SAG: variants seen among roughly 807,000 people sequenced by gnomAD.
SAG encodes S-antigen visual arrestin.
In SAG, 45 loss-of-function variants were observed where a neutral mutation model predicts 55.0. The observed-to-expected ratio is 0.82, with a 90% CI of 0.64 to 1.05. The LOEUF is 1.05. Among genes scored for constraint, SAG ranks in the 50% least tolerant of loss-of-function variants. The probability of loss-of-function intolerance (pLI) is 0.00; values close to 1 mark genes in which losing one functional copy is unlikely to be tolerated. For missense variants in SAG, 455 were observed against 512.1 expected, an observed-to-expected ratio of 0.89 and a Z score of 1.08; for synonymous variants, 189 against 197.4, an observed-to-expected ratio of 0.96 and a Z score of 0.36.
intron 14 of SAG, chr2:233,343,103 T>TA (rs1701154773): frequency 7.3e-6 from 1 of 136,298 alleles, no homozygotes; most frequent in Non-Finnish European, 1.5e-5. Context: ...TTTTTTTTTT[T>TA]CTGAGATGGA....
intron 8 of SAG, 170 bp from the exon 9 acceptor site, chr2:233,329,323 A>C: frequency 1.7e-6 from 1 of 584,646 alleles, no homozygotes; most frequent in East Asian, 3.1e-5. Context: ...GATGGGTGGA[A>C]TGTGTTTCAG....
rs771709839 is a variant in SAG, at chr2:233,334,965, A to G, written c.810A>G (p.Glu270=). 9.3e-6 allele frequency: 15 copies of G among 1,613,824 alleles called. No individual in the cohort carries two copies. Among genetic ancestry groups the G allele is most frequent in the Non-Finnish European group, 1.2e-5 (14 of 1,179,840 alleles). ...VKPVAMEEAQ[E]KVPPNSTLTK... Reference sequence around the variant, plus strand: ...TCCTCTGTTCTTCTTCCTCTAGAGAAAAAGTGCCACCAAACAGCACTTTGA... The same window carrying G: ...TCCTCTGTTCTTCTTCCTCTAGAGAGAAAGTGCCACCAAACAGCACTTTGA... Residue 270 remains glutamate, a synonymous_variant, in exon 11 of 16, where the codon GAA becomes GAG. Coordinates refer to ENST00000409110, the MANE Select transcript of SAG (RefSeq NM_000541.5).
intron 3 of SAG, among the ~76,000 whole-genome samples, chr2:233,318,367 C>A (rs2125325840): frequency 6.6e-6 from 1 of 151,680 alleles, no homozygotes; most frequent in Admixed American, 6.6e-5. Context: ...GACAGGCTCT[C>A]ATTTTGTTAC....
At chr2:233,336,437 C>T (rs1300633575) in intron 11 of SAG, among the ~76,000 whole-genome samples, 2 of 151,962 alleles carry the variant, frequency 1.3e-5, no homozygotes, top group Admixed American at 1.3e-4. Flanking sequence ...ATCGCTTGAA[C>T]CCGGGAGGCG....
At chr2:233,344,433 A>C (rs981129114) in intron 14 of SAG, 8 of 152,168 alleles carry the variant, frequency 5.3e-5, no homozygotes, top group African/African-American at 1.9e-4. Context: ...AGCCCTCCAA[A>C]GTGCTGGGAT....
chr2:233,320,548 C>T (rs958062689), intron 4 of SAG, 82 bp from the exon 5 acceptor site: 1 of 1,121,088 alleles, frequency 8.9e-7, no homozygotes, highest in African/African-American at 1.6e-5. Context: ...GGTTGAAAAC[C>T]CGTGTTCGCT....
intron 3 of SAG, among the ~76,000 whole-genome samples, chr2:233,317,704 G>A (rs1481446124): frequency 6.6e-6 from 1 of 152,184 alleles, no homozygotes; most frequent in Non-Finnish European, 1.5e-5. Context: ...CAACCTAGAT[G>A]CCCTAACAAT....
intron 10 of SAG, chr2:233,331,927 G>A (rs946788928): frequency 8.6e-5 from 49 of 571,282 alleles, no homozygotes; most frequent in Non-Finnish European, 2.5e-5. Context: ...GAGTTCTGAG[G>A]ATTAATGCAA....
chr2:233,337,411 T>A (rs1410583877), intron 11 of SAG, among the ~76,000 whole-genome samples: 4 of 152,116 alleles, frequency 2.6e-5, no homozygotes, highest in Non-Finnish European at 5.9e-5. Flanking sequence ...GCTAATTTTG[T>A]ACTTTCAATA....
rs1483150950 is a variant in SAG, at chr2:233,308,383, C to T, written c.-29+361C>T. Reference sequence around the variant, plus strand: ...ACTCAGCTGGCTGAGGCAGGAGGATCACGAGCCCAGGAGTTCGAGGCTGCG... The same window carrying T: ...ACTCAGCTGGCTGAGGCAGGAGGATTACGAGCCCAGGAGTTCGAGGCTGCG... On this transcript the variant is annotated intron_variant, in intron 1 of 15. Transcript: ENST00000409110. Among the ~76,000 whole-genome samples the T allele has an allele frequency of 3.3e-5, 5 of 152,160 alleles. No homozygotes were observed. The East Asian group carries it at 7.7e-4, about 24-fold the overall frequency.
rs571897774 is a variant in SAG, at chr2:233,330,440, G to A, written c.733+863G>A. Among the ~76,000 whole-genome samples, 5 of 152,028 alleles carry A rather than the reference G, an allele frequency of 3.3e-5. No homozygotes were observed. The South Asian group carries it at 8.3e-4, about 25-fold the overall frequency. On this transcript the variant is annotated intron_variant, in intron 9 of 15. Transcript: ENST00000409110. ...AGATGAGGGTCAGAAATCCTGATGC[G>A]TGCAGACTAAGGAATTCTAGACTTT...
Position 233,327,198 on chromosome 2 carries a change from G to A in SAG, c.512+1G>A, listed in dbSNP as rs1166144416. ...CCGAAGAGGACAAAATCCCCAAGAAGTAAGAGTATGGTTGCGGAATAGGTG... is the reference window on the plus strand; with the variant it reads ...CCGAAGAGGACAAAATCCCCAAGAAATAAGAGTATGGTTGCGGAATAGGTG... On this transcript the variant is annotated splice_donor_variant, in intron 7 of 15. Coordinates refer to ENST00000409110, the MANE Select transcript of SAG (RefSeq NM_000541.5). LOFTEE classifies it high-confidence loss of function. 4 of 1,613,034 alleles carry A rather than the reference G, an allele frequency of 2.5e-6. No individual in the cohort carries two copies. Among genetic ancestry groups the A allele is most frequent in the African/African-American group, 1.3e-5 (1 of 74,858 alleles).
At chr2:233,334,659 C>A in intron 10 of SAG, 1 of 283,778 alleles carries the variant, frequency 3.5e-6, no homozygotes. Context: ...CAGGAGGAGG[C>A]TGTGGTCTCT....
intron 15 of SAG, among the ~76,000 whole-genome samples, 161 bp downstream of exon 15, chr2:233,346,573 C>T (rs750438072): frequency 2.6e-5 from 4 of 152,222 alleles, no homozygotes; most frequent in African/African-American, 4.8e-5. Flanking sequence ...GCTTACGGCA[C>T]GCACGCACCA....
At chr2:233,315,696 T>G (rs932758258) in intron 2 of SAG, among the ~76,000 whole-genome samples, 3 of 148,622 alleles carry the variant, frequency 2.0e-5, no homozygotes, top group South Asian at 2.1e-4. Context: ...TTACATAATT[T>G]TCTTTCTTTC....
At chr2:233,318,143 C>A (rs897927509) in intron 3 of SAG, among the ~76,000 whole-genome samples, 1 of 151,466 alleles carries the variant, frequency 6.6e-6, no homozygotes, top group Non-Finnish European at 1.5e-5. Context: ...CTGGCCCATG[C>A]CCTGCTAACT....
chr2:233,331,910 C>T (rs943725188), intron 10 of SAG, 198 bp downstream of exon 10: 1 of 594,366 alleles, frequency 1.7e-6, no homozygotes, highest in African/African-American at 1.9e-5. Context: ...CTGTGCCCAT[C>T]TTACAGGAGT....
rs765006635 is a variant in SAG, at chr2:233,331,679, A to G, written c.773A>G (p.Tyr258Cys). 6 of 1,613,776 alleles carry G rather than the reference A, an allele frequency of 3.7e-6. No homozygotes were observed. Among genetic ancestry groups the G allele is most frequent in the Non-Finnish European group, 5.1e-6 (6 of 1,179,762 alleles). The change falls in exon 10 of 16, where the codon TAT becomes TGT. Residue 258 changes from tyrosine to cysteine, a missense_variant. Transcript: ENST00000409110. ...AATGTGGTTCTCTACTCGAGTGATT[A>G]TTACGTCAAGCCCGTGGCTATGGAG... ...VANVVLYSSD[Y>C]YVKPVAMEEA... is the part of the protein sequence containing the mutation.
chr2:233,335,538 G>A (rs377424433), intron 11 of SAG, among the ~76,000 whole-genome samples: 1 of 152,084 alleles, frequency 6.6e-6, no homozygotes, highest in East Asian at 1.9e-4. Context: ...CTAGTGTGGT[G>A]CCCTAAGCAT....
Sources: allele counts gnomAD v4.1 joint callset (sites outside exome capture counted in the v4.1 genomes callset), GRCh38; gene constraint gnomAD v4.1.1; transcripts MANE v1.5; gene names NCBI Gene and HGNC (gene_info 2026-07-23, HGNC 2026-07-21).